The following DYM variants were observed in gnomAD, a reference collection of about 807,000 sequenced individuals.
The protein encoded by DYM is dyggve-Melchior-Clausen syndrome protein.
In DYM, 78 loss-of-function variants were observed where a neutral mutation model predicts 93.1. That is an observed-to-expected ratio of 0.84 (90% CI 0.70 to 1.01). The LOEUF is 1.01. DYM is among the 50% of genes least tolerant of loss of function. The probability of loss-of-function intolerance (pLI) is 0.00; values close to 1 mark genes in which losing one functional copy is unlikely to be tolerated. For missense variants in DYM, 789 were observed against 845.0 expected, an observed-to-expected ratio of 0.93 and a Z score of 0.82; for synonymous variants, 321 against 319.7, an observed-to-expected ratio of 1.00 and a Z score of -0.04.
At chr18:49,202,997 G>A in intron 14 of DYM, among the ~76,000 whole-genome samples, 1 of 70,356 alleles carries the variant, frequency 1.4e-5, no homozygotes, top group African/African-American at 5.1e-5. Flanking sequence ...ATCCGGGAGG[G>A]AGGTGGGGGG....
intron 14 of DYM, among the ~76,000 whole-genome samples, chr18:49,192,103 T>G (rs1242753279): frequency 2.2e-5 from 3 of 139,120 alleles, no homozygotes; most frequent in Admixed American, 7.1e-5. Context: ...TAATTTTTTT[T>G]TTTTTTTTTT....
intron 9 of DYM, among the ~76,000 whole-genome samples, chr18:49,286,016 C>T (rs1003114894): frequency 3.3e-5 from 5 of 151,996 alleles, no homozygotes; most frequent in African/African-American, 1.2e-4. Context: ...CTACCCTCTA[C>T]AGAAAAAGGT....
Position 49,332,010 on chromosome 18 carries a change from T to C in DYM, c.621-4A>G, listed in dbSNP as rs763056169. 1.2e-6 allele frequency: 2 copies of C among 1,612,702 alleles called. No homozygotes were observed. The highest frequency in any genetic ancestry group is 8.5e-7 in the Non-Finnish European group (1 of 1,179,354). On this transcript the variant is annotated splice_polypyrimidine_tract_variant and splice_region_variant and intron_variant, in intron 7 of 17. Coordinates refer to ENST00000675505, the MANE Select transcript of DYM (RefSeq NM_001353214.3). The stretch of plus-strand genomic sequence containing the variant: ...AAGTTTGCTGGTGTATGGAAGACTA[T>C]ACAAAAAGGAAAAAAAAATCAAACT...
chr18:49,201,167 T>C (rs1322208637), intron 14 of DYM, among the ~76,000 whole-genome samples: 1 of 152,192 alleles, frequency 6.6e-6, no homozygotes, highest in East Asian at 1.9e-4. Context: ...CAGTATAAAA[T>C]ATAAACCACA....
Position 49,261,572 on chromosome 18 carries a change from A to G in DYM, c.1252-3079T>C, listed in dbSNP as rs368415265. On this transcript the variant is annotated intron_variant, in intron 11 of 17. Coordinates refer to ENST00000675505, the MANE Select transcript of DYM (RefSeq NM_001353214.3). ...CAGCTACTTGGGAGGCTGAGGCAGG[A>G]GAATCGCTTGAACTAGGGAGGCAGA... 1.4e-4 allele frequency among the ~76,000 whole-genome samples: 21 copies of G among 152,254 alleles called. No homozygotes were observed. The South Asian group carries it at 4.1e-3, about 30-fold the overall frequency.
Position 49,163,711 on chromosome 18 carries a change from A to T in DYM, c.1702T>A (p.Ser568Thr), listed in dbSNP as rs754946041. 1.2e-6 allele frequency: 2 copies of T among 1,612,446 alleles called. No homozygotes were observed. Among genetic ancestry groups the T allele is most frequent in the Admixed American group, 3.3e-5 (2 of 59,932 alleles). ...TAATCTGGTAGAGGAACATCATTAG[A>T]ACTCAGCGAACCTCTCAAGGACTGT... is the stretch of plus-strand genomic sequence containing the variant. The part of the protein sequence containing the change: ...ATQSLRGSLS[S>T]NDVPLPDYAQ... Residue 568 changes from serine to threonine, a missense_variant, in exon 15 of 18, where the codon TCT becomes ACT. Transcript: ENST00000675505.
At chr18:49,432,599 A>ATTTTTT (rs35279467) in intron 1 of DYM, among the ~76,000 whole-genome samples, 24 of 129,562 alleles carry the variant, frequency 1.9e-4, no homozygotes, top group African/African-American at 6.7e-4. Flanking sequence ...CAGCATTAAA[A>ATTTTTT]TTTTTTTTTT....
chr18:49,204,059 T>A (rs1322010987), intron 14 of DYM, among the ~76,000 whole-genome samples: 1 of 151,856 alleles, frequency 6.6e-6, no homozygotes, highest in Admixed American at 6.6e-5. Flanking sequence ...CTAAATCAGG[T>A]CCATGTAAGC....
At chr18:49,389,533 A>AT (rs1359756712) in intron 3 of DYM, among the ~76,000 whole-genome samples, 12 of 152,024 alleles carry the variant, frequency 7.9e-5, no homozygotes, top group Admixed American at 7.9e-4. Context: ...GTCTTGCTGT[A>AT]TTGTCCAGAC....
intron 13 of DYM, among the ~76,000 whole-genome samples, chr18:49,242,996 G>A (rs748501277): frequency 3.9e-5 from 6 of 152,196 alleles, no homozygotes; most frequent in East Asian, 1.9e-4. Context: ...CACCGCACCC[G>A]GCCTATACCT....
At chr18:49,280,038 T>G (rs1475650914) in intron 10 of DYM, among the ~76,000 whole-genome samples, 1 of 152,240 alleles carries the variant, frequency 6.6e-6, no homozygotes, top group East Asian at 1.9e-4. Flanking sequence ...ATTTCATTGC[T>G]GTCAGCCAGC....
At chr18:49,256,737 A>G (rs1045752823) in intron 13 of DYM, among the ~76,000 whole-genome samples, 4 of 152,248 alleles carry the variant, frequency 2.6e-5, no homozygotes, top group African/African-American at 9.6e-5. Context: ...TTGCATTACT[A>G]AGAAATATAC....
intron 15 of DYM, among the ~76,000 whole-genome samples, chr18:49,133,293 C>A (rs1267592889): frequency 6.6e-6 from 1 of 152,146 alleles, no homozygotes; most frequent in Non-Finnish European, 1.5e-5. Flanking sequence ...CACGGATTTA[C>A]TTTGTGGATG....
chr18:49,096,806 A>G (rs2079588033), intron 17 of DYM, among the ~76,000 whole-genome samples: 1 of 152,192 alleles, frequency 6.6e-6, no homozygotes, highest in Admixed American at 6.5e-5. Context: ...ATTACATCCC[A>G]GGCACACAGT....
intron 13 of DYM, among the ~76,000 whole-genome samples, chr18:49,213,175 C>CA (rs1369031768): frequency 2.0e-4 from 30 of 151,770 alleles, no homozygotes; most frequent in African/African-American, 7.3e-4. Flanking sequence ...TAAAAGATGA[C>CA]AAAAACCACA....
intron 16 of DYM, among the ~76,000 whole-genome samples, chr18:49,117,628 TAC>T (rs1488053975): frequency 6.6e-6 from 1 of 152,188 alleles, no homozygotes; most frequent in Non-Finnish European, 1.5e-5. Context: ...CTAACACAGC[TAC>T]AAACTTTTTA....
intron 2 of DYM, among the ~76,000 whole-genome samples, chr18:49,403,154 T>C (rs536403402): frequency 3.3e-5 from 5 of 152,342 alleles, no homozygotes; most frequent in African/African-American, 1.2e-4. Flanking sequence ...CTTAAATTAC[T>C]AATTTATCAG....
intron 13 of DYM, among the ~76,000 whole-genome samples, chr18:49,216,783 AT>A (rs1246438220): frequency 6.6e-6 from 1 of 152,188 alleles, no homozygotes; most frequent in Non-Finnish European, 1.5e-5. Flanking sequence ...CCAAAAGTAG[AT>A]AAAACCACAA....
At chr18:49,365,156 T>C (rs2066406046) in intron 5 of DYM, among the ~76,000 whole-genome samples, 1 of 148,348 alleles carries the variant, frequency 6.7e-6, no homozygotes, top group African/African-American at 2.4e-5. Flanking sequence ...ACTTGGAGTC[T>C]CAAAAAAAAA....
Sources: allele counts gnomAD v4.1 joint callset (sites outside exome capture counted in the v4.1 genomes callset), GRCh38; gene constraint gnomAD v4.1.1; transcripts MANE v1.5; gene names NCBI Gene and HGNC (gene_info 2026-07-23, HGNC 2026-07-21).